CFAP251: variants seen among roughly 807,000 people sequenced by gnomAD.
CFAP251 encodes the protein cilia and flagella associated protein 251, also known as cilia- and flagella-associated protein 251.
Under a neutral mutation model 126.7 loss-of-function variants are expected in CFAP251, and 93 were observed. The ratio of observed to expected loss-of-function variants is 0.73; its 90% CI spans 0.62 to 0.87. The LOEUF (loss-of-function observed/expected upper bound fraction) is 0.87. CFAP251 is among the 40% of genes least tolerant of loss of function. The probability of loss-of-function intolerance (pLI) is 0.00; values close to 1 mark genes in which losing one functional copy is unlikely to be tolerated. For synonymous variants in CFAP251, 503 were observed against 506.9 expected (o/e 0.99, Z 0.10); for missense variants, 1,287 against 1,389.2 (o/e 0.93, Z 1.17).
intron 5 of CFAP251, among the ~76,000 whole-genome samples, chr12:121,942,215 C>T (rs747286853): frequency 2.6e-5 from 4 of 152,214 alleles, no homozygotes; most frequent in Non-Finnish European, 4.4e-5. Context: ...ACATTTTCAC[C>T]GCCCCAGAAG....
At chr12:121,993,741 G>C (rs1373686771) in intron 19 of CFAP251, among the ~76,000 whole-genome samples, 1 of 147,624 alleles carries the variant, frequency 6.8e-6, no homozygotes, top group Non-Finnish European at 1.5e-5. Context: ...CAACCACCCC[G>C]TCTGAGAAGT....
At chr12:121,958,798 C>T in intron 12 of CFAP251, 145 bp from the exon 13 acceptor site, 1 of 1,079,406 alleles carries the variant, frequency 9.3e-7, no homozygotes, top group East Asian at 2.5e-5. Flanking sequence ...CCCAGGAGAT[C>T]ACGCGTTTCG....
chr12:121,962,204 G>A, intron 15 of CFAP251, 42 bp downstream of exon 15: 1 of 1,586,790 alleles, frequency 6.3e-7, no homozygotes, highest in African/African-American at 1.3e-5. Context: ...CGTGGATCAA[G>A]TTCTCTGCCC....
At chr12:121,977,737 C>T (rs945860732) in intron 19 of CFAP251, among the ~76,000 whole-genome samples, 3 of 151,014 alleles carry the variant, frequency 2.0e-5, no homozygotes, top group East Asian at 2.0e-4. Context: ...GGGCGGATCA[C>T]GAGGTCAGAA....
intron 19 of CFAP251, among the ~76,000 whole-genome samples, chr12:121,987,967 A>G (rs927403836): frequency 7.2e-5 from 11 of 152,064 alleles, no homozygotes; most frequent in Admixed American, 3.3e-4. Flanking sequence ...GGGGAATTTC[A>G]GGGCATTTTA....
At chr12:121,969,694 C>T (rs1156573480) in intron 17 of CFAP251, 1 of 932,080 alleles carries the variant, frequency 1.1e-6, no homozygotes, top group East Asian at 1.2e-4. Flanking sequence ...TCACACCAAG[C>T]CTAGGCTGGT....
At position 121,975,619 on chromosome 12, in the gene CFAP251, A is replaced by C; in HGVS notation, c.2940A>C (p.Glu980Asp). Residue 980 changes from glutamate to aspartate, a missense_variant, in exon 19 of 22, where the codon GAA (glutamate) becomes GAC (aspartate). Transcript: ENST00000288912. ...IDTMETRKVS[E>D]HICLSELPFV... ...CAATGGAGACCAGAAAGGTGTCAGA[A>C]CACATTTGCCTGTCAGAGCTTCCTT... The C allele has an allele frequency of 1.2e-6, 2 of 1,603,838 alleles. No homozygotes were observed. The highest frequency in any genetic ancestry group is 8.5e-7 in the Non-Finnish European group (1 of 1,177,282).
chr12:121,940,362 C>T (rs1881060293), intron 5 of CFAP251, among the ~76,000 whole-genome samples: 1 of 152,104 alleles, frequency 6.6e-6, no homozygotes. Context: ...AATTGCCTTC[C>T]CAGGTGAATT....
intron 14 of CFAP251, 30 bp downstream of exon 14, chr12:121,960,788 C>A: frequency 6.2e-7 from 1 of 1,609,410 alleles, no homozygotes; most frequent in South Asian, 1.1e-5. Context: ...TTGACCTGGT[C>A]GCCAAGACTG....
intron 17 of CFAP251, among the ~76,000 whole-genome samples, chr12:121,973,990 G>A (rs754507557): frequency 3.9e-5 from 6 of 152,164 alleles, no homozygotes; most frequent in Admixed American, 6.5e-5. Flanking sequence ...AGGGGTCAGA[G>A]GCGGAATGAT....
intron 11 of CFAP251, 40 bp from the exon 12 acceptor site, chr12:121,958,232 T>G (rs781687210): frequency 2.5e-6 from 4 of 1,599,316 alleles, no homozygotes; most frequent in Non-Finnish European, 8.5e-7. Flanking sequence ...CCCCATTCCC[T>G]GCAAACACTG....
chr12:121,922,249 G>C (rs1005841611), intron 2 of CFAP251, among the ~76,000 whole-genome samples: 9 of 151,834 alleles, frequency 5.9e-5, no homozygotes, highest in African/African-American at 2.2e-4. Flanking sequence ...TGAGATTACA[G>C]GCGTCCGCCA....
At chr12:121,993,924 G>A (rs1882954583) in intron 19 of CFAP251, among the ~76,000 whole-genome samples, 1 of 119,416 alleles carries the variant, frequency 8.4e-6, no homozygotes, top group South Asian at 2.9e-4. Flanking sequence ...CCCCTACTGG[G>A]AAGTGAGGAG....
intron 17 of CFAP251, among the ~76,000 whole-genome samples, 164 bp downstream of exon 17, chr12:121,968,333 C>T (rs1056006425): frequency 3.3e-5 from 5 of 152,180 alleles, no homozygotes; most frequent in African/African-American, 9.6e-5. Context: ...ACTCTGCAGA[C>T]AGGAGTTGCT....
intron 19 of CFAP251, among the ~76,000 whole-genome samples, chr12:121,996,349 T>C (rs1883021401): frequency 6.6e-6 from 1 of 152,208 alleles, no homozygotes; most frequent in Non-Finnish European, 1.5e-5. Flanking sequence ...ATGTAAATGC[T>C]AAAATAAGTT....
At chr12:121,961,867 A>G in intron 14 of CFAP251, 111 bp from the exon 15 acceptor site, 1 of 1,120,986 alleles carries the variant, frequency 8.9e-7, no homozygotes, top group Admixed American at 2.3e-5. Flanking sequence ...CCCCCAGAAC[A>G]GCACTGTTGG....
chr12:121,954,543 G>A (rs1881647477), intron 10 of CFAP251, among the ~76,000 whole-genome samples: 1 of 143,520 alleles, frequency 7.0e-6, no homozygotes, highest in Non-Finnish European at 1.5e-5. Context: ...GAGAGAGATG[G>A]GAGGATTGCT....
At position 121,989,983 on chromosome 12, in the gene CFAP251, G is replaced by A. The variant is rs997082662; in HGVS notation, c.3007-9733G>A. On this transcript the variant is annotated intron_variant, in intron 19 of 21. Coordinates refer to ENST00000288912, the MANE Select transcript of CFAP251 (RefSeq NM_144668.6). The surrounding 1 kb of genome is among the most constrained non-coding windows in gnomAD (Gnocchi z 4.2). Reference sequence around the variant, plus strand: ...ACAGAGGCAGAAATAAGATGCTCTCGGGTGAGGGGACTCCAGCCCACCACC... The same window carrying A: ...ACAGAGGCAGAAATAAGATGCTCTCAGGTGAGGGGACTCCAGCCCACCACC... 4.6e-5 allele frequency among the ~76,000 whole-genome samples: 7 copies of A among 152,270 alleles called. No individual in the cohort carries two copies. Among genetic ancestry groups the A allele is most frequent in the Non-Finnish European group, 7.3e-5 (5 of 68,028 alleles).
chr12:121,977,766 T>C (rs189631672), intron 19 of CFAP251, among the ~76,000 whole-genome samples: 187 of 150,346 alleles, frequency 1.2e-3, no homozygotes, highest in East Asian at 7.3e-3. Flanking sequence ...CCATCCTGGC[T>C]AACACGGTGA....
Sources: allele counts gnomAD v4.1 joint callset (sites outside exome capture counted in the v4.1 genomes callset), GRCh38; gene constraint gnomAD v4.1.1; non-coding constraint Gnocchi (gnomAD v3.1); transcripts MANE v1.5; gene names NCBI Gene and HGNC (gene_info 2026-07-23, HGNC 2026-07-21).